Variants in ZNF592 observed in about 807,000 individuals in gnomAD.
ZNF592 encodes the protein zinc finger protein 592.
A neutral mutation model predicts 80.3 loss-of-function variants in ZNF592; 11 were observed. That is an observed-to-expected ratio of 0.14 (90% CI 0.09 to 0.23). The LOEUF (loss-of-function observed/expected upper bound fraction) is 0.23, where lower values mean the gene tolerates loss of function less well. ZNF592 is among the 10% of genes least tolerant of loss of function. ZNF592 has a pLI of 1.00. For missense variants in ZNF592, 1,420 were observed against 1,633.9 expected, an observed-to-expected ratio of 0.87 and a Z score of 2.26; for synonymous variants, 646 against 640.3, an observed-to-expected ratio of 1.01 and a Z score of -0.13.
rs1963129548 is a variant in ZNF592 at position 84,802,505 on chromosome 15, T to C, written c.*112T>C. On this transcript the variant is annotated 3_prime_UTR_variant, in exon 11 of 11. Coordinates refer to ENST00000560079, the MANE Select transcript of ZNF592 (RefSeq NM_014630.3). ...CCCCCAGTGTGAGTGTGACCGGTTG[T>C]ACCCTGGAGTAGTGTCTGCCCTGAG... 1.5e-6 allele frequency: 2 copies of C among 1,299,760 alleles called. No homozygotes were observed. Among genetic ancestry groups the C allele is most frequent in the Non-Finnish European group, 1.1e-6 (1 of 926,114 alleles). 80.5% of individuals were successfully genotyped at this position (1,299,760 alleles called of 1,614,324 possible).
rs1290131625 is a variant in ZNF592, at chr15:84,782,693, C to A, written c.18C>A (p.Thr6=). Residue 6 remains threonine, a synonymous_variant, in exon 4 of 11, where the codon ACC becomes ACA. Transcript: ENST00000560079. ...ATCCAGCCATGGGGGATATGAAAACCCCAGATTTTGATGACCTTCTGGCTG... is the reference window on the plus strand; with the variant it reads ...ATCCAGCCATGGGGGATATGAAAACACCAGATTTTGATGACCTTCTGGCTG... MGDMK[T]PDFDDLLAAF... is the part of the protein sequence containing the mutation. 1 of 1,614,030 alleles carries A rather than the reference C, an allele frequency of 6.2e-7. No homozygotes were observed. Among genetic ancestry groups the A allele is most frequent in the Admixed American group, 1.7e-5 (1 of 59,998 alleles).
chr15:84,777,950 G>A (rs538081059), intron 2 of ZNF592, among the ~76,000 whole-genome samples: 2 of 151,974 alleles, frequency 1.3e-5, no homozygotes, highest in African/African-American at 4.8e-5. Context: ...CGCCCGCCTC[G>A]GCCTCCCAAA....
intron 2 of ZNF592, among the ~76,000 whole-genome samples, chr15:84,776,616 C>T (rs912915229): frequency 3.2e-4 from 48 of 152,164 alleles, no homozygotes; most frequent in African/African-American, 7.0e-4. Context: ...ATTAGCCGGG[C>T]ATGGTGGCAC....
At chr15:84,791,218 G>A (rs1962738928) in intron 5 of ZNF592, among the ~76,000 whole-genome samples, 1 of 152,188 alleles carries the variant, frequency 6.6e-6, no homozygotes, top group Non-Finnish European at 1.5e-5. Context: ...TAAATGTAAA[G>A]TGCTGTTTCA....
Position 84,781,244 on chromosome 15 carries a change from C to T in ZNF592, c.-19-1413C>T, listed in dbSNP as rs1489223834. On this transcript the variant is annotated intron_variant, in intron 3 of 10. Coordinates refer to ENST00000560079, the MANE Select transcript of ZNF592 (RefSeq NM_014630.3). ...TGTATTTTTAGTAGAGATGGGGTTT[C>T]ATCATGTTGGCCAGGCTGGTCTTGA... Among the ~76,000 whole-genome samples the T allele has an allele frequency of 4.6e-5, 7 of 152,048 alleles. No homozygotes were observed. In the East Asian group the frequency reaches 1.3e-3, roughly 29 times the overall value.
At chr15:84,789,168 A>C (rs532949290) in intron 4 of ZNF592, among the ~76,000 whole-genome samples, 5 of 151,650 alleles carry the variant, frequency 3.3e-5, no homozygotes, top group Non-Finnish European at 7.4e-5. Flanking sequence ...GAATTGCTTG[A>C]GCCTGGGAGG....
chr15:84,782,567 C>A (rs973565900), intron 3 of ZNF592, 90 bp from the exon 4 acceptor site: 2 of 1,205,182 alleles, frequency 1.7e-6, no homozygotes, highest in Non-Finnish European at 2.5e-6. Context: ...GGTGTGCTGG[C>A]TGTGTGTGCA....
rs1319493111 is a variant in ZNF592, at chr15:84,798,274, G to C, written c.2577-41G>C. On this transcript the variant is annotated intron_variant, in intron 6 of 10. Coordinates refer to ENST00000560079, the MANE Select transcript of ZNF592 (RefSeq NM_014630.3). This position sits in a 1 kb window ranked among gnomAD's most constrained non-coding sequence, Gnocchi z 4.5. The stretch of plus-strand genomic sequence containing the variant: ...GCAGAGATGGGTGGAGGGGCTGCAT[G>C]GTGCCTTGGCCACCTCACCCCCTAG... 1.2e-6 allele frequency: 2 copies of C among 1,613,248 alleles called. No homozygotes were observed. The highest frequency in any genetic ancestry group is 2.7e-5 in the African/African-American group (2 of 74,928).
At chr15:84,757,028 G>GCTT (rs989521665) in intron 1 of ZNF592, among the ~76,000 whole-genome samples, 25 of 152,176 alleles carry the variant, frequency 1.6e-4, no homozygotes, top group African/African-American at 5.5e-4. Flanking sequence ...TGGGAGAATC[G>GCTT]CTTGAACCTG....
Position 84,783,313 on chromosome 15 carries a change from G to A in ZNF592, c.638G>A (p.Gly213Glu), listed in dbSNP as rs759587163. Reference sequence around the variant, plus strand: ...CCCAAGCCAGAACCCCTGCCCTTGGGGAGCCAGCAGGAACACGAGCAAAGT... The same window carrying A: ...CCCAAGCCAGAACCCCTGCCCTTGGAGAGCCAGCAGGAACACGAGCAAAGT... ...KEPKPEPLPL[G>E]SQQEHEQSGQ... The change falls in exon 4 of 11, where the codon GGG becomes GAG. Residue 213 changes from glycine (G) to glutamate (E), a missense_variant. Around this residue, in one of 7 missense-constraint regions of ZNF592, gnomAD observed 373 missense variants for 355.5 expected, o/e 1.05. Coordinates refer to ENST00000560079, the MANE Select transcript of ZNF592 (RefSeq NM_014630.3). This position sits in a 1 kb window ranked among gnomAD's most constrained non-coding sequence, Gnocchi z 5.0. The A allele has an allele frequency of 5.0e-6, 8 of 1,614,236 alleles. No homozygotes were observed. Among genetic ancestry groups the A allele is most frequent in the East Asian group, 2.2e-5 (1 of 44,886 alleles).
At chr15:84,796,295 A>ATATATATATATATATAT (rs1567076451) in intron 5 of ZNF592, among the ~76,000 whole-genome samples, 4 of 45,534 alleles carry the variant, frequency 8.8e-5, no homozygotes, top group African/African-American at 2.4e-4. Flanking sequence ...ATATATATAT[A>ATATATATATATATATAT]AAAAAACGAA....
chr15:84,788,910 C>T (rs1005063616), intron 4 of ZNF592, among the ~76,000 whole-genome samples: 6 of 151,992 alleles, frequency 3.9e-5, no homozygotes, highest in Non-Finnish European at 8.8e-5. Flanking sequence ...TAGCATATGT[C>T]AGAATCTCCT....
chr15:84,777,461 G>A lies in ZNF592; in HGVS notation c.-149-722G>A, dbSNP rs1596119056. Among the ~76,000 whole-genome samples the A allele has an allele frequency of 2.1e-5, 3 of 145,634 alleles. 1 individual carries two copies. In the South Asian group the frequency reaches 6.5e-4, roughly 31 times the overall value. ...ACTGCATTCCAGACTGGGTGACAGG[G>A]CAAGACTCCGTCTCAAAAAAAAAAA... On this transcript the variant is annotated intron_variant, in intron 2 of 10. Transcript: ENST00000560079.
intron 5 of ZNF592, among the ~76,000 whole-genome samples, chr15:84,796,267 T>TATATATATATATATATATA (rs1567076315): frequency 4.5e-5 from 2 of 44,234 alleles, no homozygotes; most frequent in African/African-American, 3.0e-4. Flanking sequence ...TATATATATT[T>TATATATATATATATATATA]TATATATATA....
rs1427408494 is a variant in ZNF592 at position 84,784,145 on chromosome 15, A to G, written c.1470A>G (p.Ala490=). 1.2e-6 allele frequency: 2 copies of G among 1,614,192 alleles called. No homozygotes were observed. Among genetic ancestry groups the G allele is most frequent in the Admixed American group, 3.3e-5 (2 of 60,036 alleles). The change falls in exon 4 of 11, where the codon GCA becomes GCG. Residue 490 remains alanine, a synonymous_variant. Coordinates refer to ENST00000560079, the MANE Select transcript of ZNF592 (RefSeq NM_014630.3). The surrounding 1 kb of genome is among the most constrained non-coding windows in gnomAD (Gnocchi z 5.8). ...AGCAACAGAGCACAGCACTGCAGGC[A>G]TCCACCCTGGCCCCTGCCAACCTCC... ...GKKQQSTALQ[A]STLAPANLLP...
intron 4 of ZNF592, among the ~76,000 whole-genome samples, chr15:84,787,711 T>TTAA (rs1962631185): frequency 1.3e-5 from 2 of 152,220 alleles, no homozygotes; most frequent in Non-Finnish European, 2.9e-5. Flanking sequence ...CCCAACACAA[T>TTAA]TAATAACAGT....
Position 84,784,193 on chromosome 15 carries a change from C to T in ZNF592, c.1518C>T (p.Ala506=). The T allele has an allele frequency of 1.9e-6, 3 of 1,614,198 alleles. No homozygotes were observed. Among genetic ancestry groups the T allele is most frequent in the Non-Finnish European group, 2.5e-6 (3 of 1,180,034 alleles). ...TCCTGCCCAAAGCCGTGCACTTGGC[C>T]AACCTGAACCTCGTCCCCCACAGTG... ...ANLLPKAVHL[A]NLNLVPHSVA... is the part of the protein sequence containing the mutation. The change falls in exon 4 of 11, where the codon GCC becomes GCT. Residue 506 remains alanine, a synonymous_variant. Coordinates refer to ENST00000560079, the MANE Select transcript of ZNF592 (RefSeq NM_014630.3). This position sits in a 1 kb window ranked among gnomAD's most constrained non-coding sequence, Gnocchi z 5.8.
At chr15:84,762,361 A>C (rs1166976580) in intron 1 of ZNF592, among the ~76,000 whole-genome samples, 2 of 152,210 alleles carry the variant, frequency 1.3e-5, no homozygotes, top group African/African-American at 2.4e-5. Flanking sequence ...GAGAAATCTC[A>C]TGGATTAAAT....
intron 2 of ZNF592, among the ~76,000 whole-genome samples, chr15:84,777,475 C>CA (rs549871970): frequency 0.01 from 562 of 54,602 alleles, 1 homozygote; most frequent in African/African-American, 0.014. Context: ...GACTCCGTCT[C>CA]AAAAAAAAAA....
Sources: gnomAD v4.1 joint callset for allele counts (sites outside exome capture counted in the v4.1 genomes callset) on GRCh38, gnomAD v4.1.1 for gene constraint, gnomAD v4.1.1 regional missense constraint, Gnocchi (gnomAD v3.1) non-coding constraint, MANE v1.5 for transcripts, NCBI Gene and HGNC (gene_info 2026-07-23, HGNC 2026-07-21) for gene names.